The following COL12A1 variants were observed in gnomAD, a reference collection of about 807,000 sequenced individuals.
COL12A1 encodes collagen type XII alpha 1 chain.
Under a neutral mutation model 349.7 loss-of-function variants are expected in COL12A1, and 114 were observed. The ratio of observed to expected loss-of-function variants is 0.33; its 90% CI spans 0.28 to 0.38. The LOEUF (loss-of-function observed/expected upper bound fraction) is 0.38. COL12A1 is among the 10% of genes least tolerant of loss of function. The pLI is 1.00. For synonymous variants in COL12A1, 1,369 were observed against 1,329.0 expected (o/e 1.03, Z -0.66); for missense variants, 3,284 against 3,756.9 (o/e 0.87, Z 3.29).
chr6:75,149,531 T>C (rs1371101056), intron 21 of COL12A1, among the ~76,000 whole-genome samples: 1 of 152,052 alleles, frequency 6.6e-6, no homozygotes, highest in Non-Finnish European at 1.5e-5. Context: ...AAATGACTAA[T>C]ACATAACAGT....
At position 75,134,970 on chromosome 6, in the gene COL12A1, T is replaced by C. The variant is rs944960195; in HGVS notation, c.5395-115A>G. The C allele has an allele frequency of 8.2e-6, 9 of 1,101,858 alleles. No individual in the cohort carries two copies. The Admixed American group carries it at 2.1e-4, about 25-fold the overall frequency. 68.3% of individuals were successfully genotyped at this position (1,101,858 alleles called of 1,614,324 possible). A position where few individuals can be genotyped will look rare whatever the true frequency, so the allele number is the denominator to read the frequency against. On this transcript the variant is annotated intron_variant, in intron 31 of 65. Coordinates refer to ENST00000322507, the MANE Select transcript of COL12A1 (RefSeq NM_004370.6). The stretch of plus-strand genomic sequence containing the variant: ...TTGAGACCCTTGTCAAGTTCCAGAA[T>C]TACATACCACAGTCAAGGTTTAACA...
At chr6:75,181,905 C>T (rs1044981137) in intron 10 of COL12A1, among the ~76,000 whole-genome samples, 17 of 150,650 alleles carry the variant, frequency 1.1e-4, no homozygotes, top group Admixed American at 1.3e-4. Context: ...GACTAGCCAA[C>T]ATGGGGAAAC....
At chr6:75,119,249 G>A (rs896636878) in intron 45 of COL12A1, 63 bp from the exon 46 acceptor site, 19 of 1,611,936 alleles carry the variant, frequency 1.2e-5, no homozygotes, top group Non-Finnish European at 1.6e-5. Context: ...AATGCCATTA[G>A]TCACACCCAA....
chr6:75,161,674 A>G (rs894847758), intron 14 of COL12A1, among the ~76,000 whole-genome samples: 2 of 152,216 alleles, frequency 1.3e-5, no homozygotes, highest in Non-Finnish European at 2.9e-5. Context: ...GGCAAGAGAA[A>G]GAAATAAAGG....
In COL12A1 at chr6:75,145,340, A is replaced by G. The variant is rs1562217199; in HGVS notation, c.4676T>C (p.Val1559Ala). Residue 1559 changes from valine (V) to alanine (A), a missense_variant, in exon 25 of 66, where the codon GTT (valine) becomes GCT (alanine). Coordinates refer to ENST00000322507, the MANE Select transcript of COL12A1 (RefSeq NM_004370.6). Reference protein sequence around the residue: ...LHDLTSEPVTVREVTLPLPRP... With the variant: ...LHDLTSEPVTAREVTLPLPRP... The stretch of plus-strand genomic sequence containing the variant: ...CAGTAGCTTACAGGTGACTTCCCGA[A>G]CAGTGACAGGTTCACTAGTGAGGTC... 1.2e-6 allele frequency: 2 copies of G among 1,610,038 alleles called. No homozygotes were observed. Among genetic ancestry groups the G allele is most frequent in the African/African-American group, 1.3e-5 (1 of 75,000 alleles).
chr6:75,191,625 A>G (rs1487947108), intron 5 of COL12A1, 76 bp downstream of exon 5: 7 of 937,590 alleles, frequency 7.5e-6, no homozygotes, highest in Non-Finnish European at 1.1e-5. Flanking sequence ...ATCTATGTAT[A>G]TAATTGGAAC....
chr6:75,166,730 C>A (rs1446436389), intron 13 of COL12A1, among the ~76,000 whole-genome samples: 1 of 152,006 alleles, frequency 6.6e-6, no homozygotes, highest in African/African-American at 2.4e-5. Context: ...ATATATAATG[C>A]TCTTACAAGA....
At chr6:75,180,824 T>G in intron 11 of COL12A1, 115 bp downstream of exon 11, 1 of 1,255,928 alleles carries the variant, frequency 8.0e-7, no homozygotes. Context: ...ATGCCAAATC[T>G]TACAAAGGCA....
chr6:75,199,470 T>A (rs74397824), intron 2 of COL12A1, among the ~76,000 whole-genome samples: 1 of 152,228 alleles, frequency 6.6e-6, no homozygotes, highest in African/African-American at 2.4e-5. Flanking sequence ...TTGTTCATTA[T>A]ATATTATAAA....
chr6:75,102,748 G>T, intron 55 of COL12A1, 56 bp from the exon 56 acceptor site: 1 of 1,121,518 alleles, frequency 8.9e-7, no homozygotes, highest in Non-Finnish European at 1.2e-6. Context: ...TTTCAGTGCT[G>T]ACATTTAGTC....
chr6:75,148,272 C>G (rs1767301961), intron 22 of COL12A1, 86 bp downstream of exon 22: 3 of 1,368,632 alleles, frequency 2.2e-6, no homozygotes, highest in South Asian at 2.9e-5. Flanking sequence ...CCTCTTGCCC[C>G]TCACCTAACA....
At chr6:75,125,772 C>T (rs1765984835) in intron 39 of COL12A1, among the ~76,000 whole-genome samples, 1 of 152,100 alleles carries the variant, frequency 6.6e-6, no homozygotes, top group Non-Finnish European at 1.5e-5. Context: ...ATCTTGCCAT[C>T]TCTCTTTCAT....
rs146392570 is a variant in COL12A1 at position 75,171,229 on chromosome 6, T to C, written c.2710+3809A>G. 3.0e-3 allele frequency among the ~76,000 whole-genome samples: 451 copies of C among 152,316 alleles called. 1 individual carries two copies. Among genetic ancestry groups the C allele is most frequent in the Middle Eastern group, 0.027 (8 of 294 alleles). On this transcript the variant is annotated intron_variant, in intron 13 of 65. Coordinates refer to ENST00000322507, the MANE Select transcript of COL12A1 (RefSeq NM_004370.6). Reference sequence around the variant, plus strand: ...ACAACAACAGGGGAAAAAAACAATGTAAATCAAACCTAATGATGTATGCTC... The same window carrying C: ...ACAACAACAGGGGAAAAAAACAATGCAAATCAAACCTAATGATGTATGCTC...
rs1767712901 is a variant in COL12A1, at chr6:75,090,596, A to G, written c.8753-298T>C. ...CTGAAATAAAGTCTTGAGATTTACC[A>G]GGTGACATCACTCAAAAGAAAACCT... On this transcript the variant is annotated intron_variant, in intron 62 of 65. Transcript: ENST00000322507. The surrounding 1 kb of genome is among the most constrained non-coding windows in gnomAD (Gnocchi z 4.1). 6.6e-6 allele frequency among the ~76,000 whole-genome samples: 1 copy of G among 152,258 alleles called. No individual in the cohort carries two copies. Among genetic ancestry groups the G allele is most frequent in the African/African-American group, 2.4e-5 (1 of 41,472 alleles).
chr6:75,197,279 G>C (rs1224450094), intron 2 of COL12A1, among the ~76,000 whole-genome samples: 2 of 150,962 alleles, frequency 1.3e-5, no homozygotes, highest in Non-Finnish European at 2.9e-5. Context: ...TGTTCCCTAA[G>C]ACAATGCTGA....
In COL12A1 at chr6:75,085,406, GCACACA is replaced by G. The variant is rs59844830; in HGVS notation, c.*1135_*1140del. 26 of 424,012 alleles carry G rather than the reference GCACACA, an allele frequency of 6.1e-5. No homozygotes were observed. The highest frequency in any genetic ancestry group is 4.9e-4 in the African/African-American group (24 of 49,130). 26.3% of individuals were successfully genotyped at this position (424,012 alleles called of 1,614,324 possible). ...TTACAATTATGGCATGATTTGGAAG[GCACACA>G]CACACACACACAGCAAAAGCTAAAT... On this transcript the variant is annotated 3_prime_UTR_variant, in exon 66 of 66. Coordinates refer to ENST00000322507, the MANE Select transcript of COL12A1 (RefSeq NM_004370.6).
intron 7 of COL12A1, 122 bp from the exon 8 acceptor site, chr6:75,188,657 G>C (rs766406079): frequency 5.5e-6 from 6 of 1,084,036 alleles, no homozygotes; most frequent in Non-Finnish European, 8.0e-6. Context: ...TAAGTCATAA[G>C]CCAGAATTGC....
chr6:75,116,133 G>T, intron 47 of COL12A1, 76 bp from the exon 48 acceptor site: 2 of 1,356,990 alleles, frequency 1.5e-6, no homozygotes, highest in South Asian at 1.2e-5. Flanking sequence ...AAGTAGCAAT[G>T]AACGTATTTC....
chr6:75,171,435 T>G (rs1341435242), intron 13 of COL12A1, among the ~76,000 whole-genome samples: 1 of 152,218 alleles, frequency 6.6e-6, no homozygotes, highest in African/African-American at 2.4e-5. Flanking sequence ...GGAAATAGAT[T>G]CAAGTTAGGG....
Sources: gnomAD v4.1 joint callset for allele counts (sites outside exome capture counted in the v4.1 genomes callset) on GRCh38, gnomAD v4.1.1 for gene constraint, Gnocchi (gnomAD v3.1) non-coding constraint, MANE v1.5 for transcripts, NCBI Gene and HGNC (gene_info 2026-07-23, HGNC 2026-07-21) for gene names.